KCNU1: variants seen among roughly 807,000 people sequenced by gnomAD.
KCNU1 encodes potassium calcium-activated channel subfamily U member 1.
Under a neutral mutation model 126.8 loss-of-function variants are expected in KCNU1, and 93 were observed. The ratio of observed to expected loss-of-function variants is 0.73; its 90% CI spans 0.62 to 0.87. KCNU1 has a LOEUF of 0.87. KCNU1 is among the 40% of genes least tolerant of loss of function. The pLI is 0.00. For synonymous variants in KCNU1, 523 were observed against 494.2 expected, an observed-to-expected ratio of 1.06 and a Z score of -0.77; for missense variants, 1,330 against 1,367.1, an observed-to-expected ratio of 0.97 and a Z score of 0.43.
Position 36,877,036 on chromosome 8 carries a change from CTT to C in KCNU1, c.2009+12518_2009+12519del, listed in dbSNP as rs148462830. ...AGAGAATGCAATTATAAAATCAACA[CTT>C]TTCCCAAGCACCTGATTTCTCTCTA... On this transcript the variant is annotated intron_variant, in intron 19 of 26. Transcript: ENST00000399881. Among the ~76,000 whole-genome samples, 737 of 152,254 alleles carry C rather than the reference CTT, an allele frequency of 4.8e-3. 9 individuals are homozygous for C. The highest frequency in any genetic ancestry group is 0.016 in the African/African-American group (654 of 41,562).
chr8:36,887,458 T>G (rs1255053191), intron 19 of KCNU1, among the ~76,000 whole-genome samples: 30 of 149,258 alleles, frequency 2.0e-4, no homozygotes, highest in African/African-American at 3.2e-4. Context: ...TTTTGTTTTT[T>G]TTTTTTTTTT....
At chr8:36,787,952 AG>A (rs1802773459) in intron 2 of KCNU1, among the ~76,000 whole-genome samples, 1 of 151,152 alleles carries the variant, frequency 6.6e-6, no homozygotes, top group Admixed American at 6.6e-5. Context: ...AAGCTTTGTT[AG>A]GGCAATATTT....
chr8:36,926,401 G>T (rs1808534386), intron 24 of KCNU1, among the ~76,000 whole-genome samples: 1 of 152,114 alleles, frequency 6.6e-6, no homozygotes, highest in East Asian at 1.9e-4. Context: ...AGAAGGAGAT[G>T]TGCCCACCCT....
At chr8:36,886,068 C>G (rs1200122713) in intron 19 of KCNU1, among the ~76,000 whole-genome samples, 1 of 152,094 alleles carries the variant, frequency 6.6e-6, no homozygotes, top group Non-Finnish European at 1.5e-5. Context: ...TACCACCACA[C>G]CAATAGGGCT....
chr8:36,928,791 G>A, intron 24 of KCNU1: 7 of 504,884 alleles, frequency 1.4e-5, no homozygotes, highest in Non-Finnish European at 2.1e-5. Flanking sequence ...TTCTGAAGGA[G>A]CACATCATCT....
intron 23 of KCNU1, among the ~76,000 whole-genome samples, chr8:36,920,281 C>T (rs1308283394): frequency 6.6e-6 from 1 of 152,078 alleles, no homozygotes; most frequent in Non-Finnish European, 1.5e-5. Flanking sequence ...TACTGTCAAC[C>T]CTCAGTATCC....
chr8:36,869,719 C>T (rs1056813401), intron 19 of KCNU1, among the ~76,000 whole-genome samples: 1 of 152,158 alleles, frequency 6.6e-6, no homozygotes. Flanking sequence ...TTGGTTGAGA[C>T]AGGACTGATT....
chr8:36,837,325 T>A (rs192948727), intron 14 of KCNU1, among the ~76,000 whole-genome samples: 34 of 152,282 alleles, frequency 2.2e-4, no homozygotes, highest in Admixed American at 2.0e-4. Context: ...TCAATATAAA[T>A]TAAATCCAAA....
At chr8:36,902,693 A>T (rs1187635744) in intron 19 of KCNU1, among the ~76,000 whole-genome samples, 1 of 152,112 alleles carries the variant, frequency 6.6e-6, no homozygotes, top group African/African-American at 2.4e-5. Flanking sequence ...GAATTATATC[A>T]TTCATCAATG....
At chr8:36,869,136 A>C (rs1806011869) in intron 19 of KCNU1, among the ~76,000 whole-genome samples, 3 of 152,204 alleles carry the variant, frequency 2.0e-5, no homozygotes, top group Admixed American at 2.0e-4. Flanking sequence ...TGTGACTAAT[A>C]ACACCATAAC....
At chr8:36,829,797 T>C (rs926047249) in intron 10 of KCNU1, among the ~76,000 whole-genome samples, 1 of 151,252 alleles carries the variant, frequency 6.6e-6, no homozygotes, top group Admixed American at 6.6e-5. Context: ...TACCCCTGAA[T>C]AATGTGGTAT....
chr8:36,864,564 G>A, intron 19 of KCNU1, 43 bp downstream of exon 19: 1 of 1,038,036 alleles, frequency 9.6e-7, no homozygotes, highest in Non-Finnish European at 1.5e-6. Context: ...GTTTTTTTGA[G>A]AATCAGTGGG....
At chr8:36,786,731 G>A (rs996653880) in intron 1 of KCNU1, among the ~76,000 whole-genome samples, 1 of 152,036 alleles carries the variant, frequency 6.6e-6, no homozygotes, top group African/African-American at 2.4e-5. Context: ...ATTTAGTCAT[G>A]CCTAACTTTA....
intron 19 of KCNU1, among the ~76,000 whole-genome samples, chr8:36,881,555 A>G (rs1244761917): frequency 6.6e-6 from 1 of 152,062 alleles, no homozygotes; most frequent in Non-Finnish European, 1.5e-5. Flanking sequence ...AGGAGGGGGA[A>G]ACATGAAATT....
chr8:36,806,232 G>T (rs1027170657), intron 4 of KCNU1, 37 bp from the exon 5 acceptor site: 1 of 1,362,072 alleles, frequency 7.3e-7, no homozygotes, highest in African/African-American at 1.4e-5. Flanking sequence ...ATTCTTGAGG[G>T]TAACAGAATT....
chr8:36,836,980 G>C, intron 14 of KCNU1, 35 bp downstream of exon 14: 7 of 1,607,846 alleles, frequency 4.4e-6, no homozygotes, highest in Non-Finnish European at 2.6e-6. Context: ...TCTTGGCTCT[G>C]TTCCTATGTC....
rs554304264 is a variant in KCNU1 at position 36,935,831 on chromosome 8, C to A, written c.3361C>A (p.Pro1121Thr). ...RTNSIISSQI[P>T]LGDNAKENER... ...AAACAGTATTATATCATCTCAGATA[C>A]CTTTAGGTGACAATGCAAAAGAAAA... The change falls in exon 27 of 27, where the codon CCT (proline) becomes ACT (threonine). Residue 1121 changes from proline (P) to threonine (T), a missense_variant. Physicochemically the swap from Pro to Thr is conservative, Grantham distance 38. Transcript: ENST00000399881. 1 of 1,612,046 alleles carries A rather than the reference C, an allele frequency of 6.2e-7. No individual in the cohort carries two copies. Among genetic ancestry groups the A allele is most frequent in the African/African-American group, 1.3e-5 (1 of 74,908 alleles).
At chr8:36,793,105 C>CA (rs1282592455) in intron 2 of KCNU1, among the ~76,000 whole-genome samples, 5 of 145,742 alleles carry the variant, frequency 3.4e-5, no homozygotes, top group South Asian at 2.1e-4. Flanking sequence ...ATCACAAGGA[C>CA]AAAAAACCAA....
At chr8:36,933,148 T>C (rs562160344) in intron 26 of KCNU1, 116 bp downstream of exon 26, 41 of 646,372 alleles carry the variant, frequency 6.3e-5, no homozygotes, top group Admixed American at 2.0e-4. Context: ...CAAGGAAGGG[T>C]GCATGGGAAA....
Sources: allele counts gnomAD v4.1 joint callset (sites outside exome capture counted in the v4.1 genomes callset), GRCh38; gene constraint gnomAD v4.1.1; transcripts MANE v1.5; gene names NCBI Gene and HGNC (gene_info 2026-07-23, HGNC 2026-07-21).